LDB2: variants seen among roughly 807,000 people sequenced by gnomAD.
LDB2 encodes LIM domain-binding protein 2.
LDB2 carries 12 observed loss-of-function variants against 44.3 expected under a neutral mutation model. The observed-to-expected ratio is 0.27, with a 90% CI of 0.17 to 0.44. The LOEUF (loss-of-function observed/expected upper bound fraction) is 0.44, where lower values mean the gene tolerates loss of function less well. LDB2 is among the 20% of genes least tolerant of loss of function. The pLI, the probability that LDB2 is intolerant of heterozygous loss-of-function variation, is 1.00. For synonymous variants in LDB2, 164 were observed against 174.8 expected, an observed-to-expected ratio of 0.94 and a Z score of 0.49; for missense variants, 344 against 473.5, an observed-to-expected ratio of 0.73 and a Z score of 2.54.
intron 7 of LDB2, chr4:16,506,208 C>A: frequency 2.2e-6 from 1 of 453,408 alleles, no homozygotes; most frequent in Non-Finnish European, 3.9e-6. Flanking sequence ...AGTCATCCAA[C>A]GCTTATCATT....
intron 1 of LDB2, among the ~76,000 whole-genome samples, chr4:16,853,425 T>G (rs572682976): frequency 6.6e-6 from 1 of 152,236 alleles, no homozygotes. Context: ...ATCCAAACCA[T>G]TATGAGATAC....
At chr4:16,854,829 T>C (rs1189023624) in intron 1 of LDB2, among the ~76,000 whole-genome samples, 1 of 152,028 alleles carries the variant, frequency 6.6e-6, no homozygotes, top group African/African-American at 2.4e-5. Context: ...TGTTAGCACA[T>C]TTCATACACT....
intron 1 of LDB2, among the ~76,000 whole-genome samples, chr4:16,761,693 G>A (rs959029482): frequency 1.3e-5 from 2 of 152,198 alleles, no homozygotes; most frequent in East Asian, 3.9e-4. Flanking sequence ...CTCAAAGGGA[G>A]TGCAGATCAA....
At chr4:16,623,822 C>G (rs1284053465) in intron 2 of LDB2, among the ~76,000 whole-genome samples, 1 of 151,960 alleles carries the variant, frequency 6.6e-6, no homozygotes, top group African/African-American at 2.4e-5. Context: ...TTAACAGTCC[C>G]TTAACTCTAC....
chr4:16,732,342 T>G (rs1760926087), intron 2 of LDB2, among the ~76,000 whole-genome samples: 2 of 152,230 alleles, frequency 1.3e-5, no homozygotes, highest in Admixed American at 6.5e-5. Flanking sequence ...GCATTCCTTT[T>G]CATCCCCTGC....
chr4:16,575,502 C>T (rs760153976), intron 5 of LDB2, among the ~76,000 whole-genome samples: 4 of 152,180 alleles, frequency 2.6e-5, no homozygotes, highest in Non-Finnish European at 5.9e-5. Flanking sequence ...GTAGAATGCA[C>T]ATTCTTTTCC....
intron 1 of LDB2, among the ~76,000 whole-genome samples, chr4:16,853,459 T>A (rs1014710280): frequency 6.6e-6 from 1 of 152,148 alleles, no homozygotes; most frequent in African/African-American, 2.4e-5. Flanking sequence ...TTAGGGTGGC[T>A]GTTACCAAAA....
At chr4:16,766,009 G>C (rs1298056810) in intron 1 of LDB2, among the ~76,000 whole-genome samples, 1 of 152,054 alleles carries the variant, frequency 6.6e-6, no homozygotes, top group Non-Finnish European at 1.5e-5. Flanking sequence ...TAAAAATAGA[G>C]AACAAAAGAG....
intron 5 of LDB2, 97 bp from the exon 6 acceptor site, chr4:16,512,201 A>G: frequency 8.7e-7 from 1 of 1,153,886 alleles, no homozygotes; most frequent in East Asian, 2.6e-5. Flanking sequence ...AGCTTTGAGA[A>G]TACTTTTATT....
rs139863014 is a variant in LDB2 at position 16,538,281 on chromosome 4, C to T, written c.616-26177G>A. On this transcript the variant is annotated intron_variant, in intron 5 of 7. Transcript: ENST00000304523. ...ATTAAGAATCAAGACTGACTTTGTG[C>T]GCTGTGCTGCTGAGTGTGGTGTGTG... Among the ~76,000 whole-genome samples the T allele has an allele frequency of 4.1e-3, 624 of 152,286 alleles. 2 individuals carry two copies. The highest frequency in any genetic ancestry group is 5.9e-3 in the Non-Finnish European group (403 of 68,028).
chr4:16,534,240 T>C (rs1731007883), intron 5 of LDB2, among the ~76,000 whole-genome samples: 1 of 152,182 alleles, frequency 6.6e-6, no homozygotes, highest in Non-Finnish European at 1.5e-5. Flanking sequence ...ATTTTGTATG[T>C]AGCAAAATGT....
intron 2 of LDB2, among the ~76,000 whole-genome samples, chr4:16,728,179 C>A (rs1759941990): frequency 6.6e-6 from 1 of 152,018 alleles, no homozygotes; most frequent in African/African-American, 2.4e-5. Context: ...AGCATGGTAT[C>A]AGACAGTTAA....
Position 16,502,260 on chromosome 4 carries a change from G to A in LDB2, c.*383C>T. 5.7e-6 allele frequency: 1 copy of A among 176,210 alleles called. No individual in the cohort carries two copies. Among genetic ancestry groups the A allele is most frequent in the Non-Finnish European group, 1.2e-5 (1 of 81,986 alleles). 10.9% of individuals were successfully genotyped at this position (176,210 alleles called of 1,614,324 possible). ...AAAAAGTCATCTGTAGTTAGGTTCGGCATATTAATGAGATCCTGAGCACTG... is the reference window on the plus strand; with the variant it reads ...AAAAAGTCATCTGTAGTTAGGTTCGACATATTAATGAGATCCTGAGCACTG... On this transcript the variant is annotated 3_prime_UTR_variant, in exon 8 of 8. Transcript: ENST00000304523.
intron 5 of LDB2, among the ~76,000 whole-genome samples, chr4:16,554,486 G>A (rs370299114): frequency 1.1e-4 from 16 of 152,216 alleles, no homozygotes; most frequent in East Asian, 7.7e-4. Flanking sequence ...CCATGAAGCC[G>A]GAGTGTTTTT....
intron 2 of LDB2, among the ~76,000 whole-genome samples, chr4:16,702,774 G>C (rs1033728351): frequency 6.6e-6 from 1 of 152,106 alleles, no homozygotes; most frequent in Non-Finnish European, 1.5e-5. Flanking sequence ...CTGCCCACAC[G>C]GCTGGGGCGT....
At chr4:16,850,710 A>T (rs952762003) in intron 1 of LDB2, among the ~76,000 whole-genome samples, 1 of 152,176 alleles carries the variant, frequency 6.6e-6, no homozygotes, top group African/African-American at 2.4e-5. Flanking sequence ...GAGAGGGCAG[A>T]TCAAATTCTG....
At chr4:16,766,466 ATATGTG>A (rs775814553) in intron 1 of LDB2, among the ~76,000 whole-genome samples, 2,960 of 61,154 alleles carry the variant, frequency 0.048, 73 homozygotes, top group South Asian at 0.095. Flanking sequence ...ACACACACAT[ATATGTG>A]TGTGTGTGTG....
At chr4:16,727,703 A>T (rs1442003541) in intron 2 of LDB2, among the ~76,000 whole-genome samples, 1 of 152,118 alleles carries the variant, frequency 6.6e-6, no homozygotes, top group Admixed American at 6.5e-5. Flanking sequence ...CCGAAAGCTA[A>T]TTTTTATCTA....
At chr4:16,670,285 C>T (rs1027141591) in intron 2 of LDB2, among the ~76,000 whole-genome samples, 4 of 152,188 alleles carry the variant, frequency 2.6e-5, no homozygotes, top group African/African-American at 9.7e-5. Context: ...ATATTTGGTA[C>T]CTACCTTTGG....
Sources: gnomAD v4.1 joint callset for allele counts (sites outside exome capture counted in the v4.1 genomes callset) on GRCh38, gnomAD v4.1.1 for gene constraint, MANE v1.5 for transcripts, NCBI Gene and HGNC (gene_info 2026-07-23, HGNC 2026-07-21) for gene names.